CES1: variants seen among roughly 807,000 people sequenced by gnomAD.
CES1 encodes the protein carboxylesterase 1, also known as liver carboxylesterase 1.
CES1 carries 50 observed loss-of-function variants against 53.0 expected under a neutral mutation model. The observed-to-expected ratio is 0.94, with a 90% CI of 0.75 to 1.19. The LOEUF (loss-of-function observed/expected upper bound fraction) is 1.19, where lower values mean the gene tolerates loss of function less well. CES1 is among the 50% of genes most tolerant of loss of function. CES1 has a pLI of 0.00. For missense variants in CES1, 534 were observed against 538.0 expected (o/e 0.99, Z 0.07); for synonymous variants, 202 against 210.1 (o/e 0.96, Z 0.33).
intron 3 of CES1, among the ~76,000 whole-genome samples, chr16:55,825,399 C>G (rs1311894042): frequency 2.6e-4 from 40 of 152,192 alleles, no homozygotes; most frequent in Admixed American, 2.4e-3. Context: ...CCCTCCCCAC[C>G]CTCCAACCTG....
At chr16:55,830,773 A>AGAAG (rs1200351837) in intron 1 of CES1, among the ~76,000 whole-genome samples, 14,734 of 76,632 alleles carry the variant, frequency 0.19, 1,139 homozygotes, top group East Asian at 0.32. Flanking sequence ...AAGGAAGGAA[A>AGAAG]GAAGGAAGGA....
In CES1 at chr16:55,832,997, G is replaced by C. The variant is rs779470474; in HGVS notation, c.52+7C>G. 3 of 1,556,390 alleles carry C rather than the reference G, an allele frequency of 1.9e-6. No individual in the cohort carries two copies. The highest frequency in any genetic ancestry group is 2.6e-6 in the Non-Finnish European group (3 of 1,133,990). On this transcript the variant is annotated splice_region_variant and intron_variant, in intron 1 of 13. Transcript: ENST00000360526. ...GTGCCCCGCATTTTGATTTCAGAAG[G>C]ACTCACCCCAAGCCGCGGAAGCAGA...
rs578204053 is a variant in CES1, at chr16:55,832,886, G to T, written c.52+118C>A. 2.0e-4 allele frequency: 201 copies of T among 982,646 alleles called. No individual in the cohort carries two copies. In the African/African-American group the frequency reaches 2.9e-3, roughly 14 times the overall value. 60.9% of individuals were successfully genotyped at this position (982,646 alleles called of 1,614,324 possible). A position where few individuals can be genotyped will look rare whatever the true frequency, so the allele number is the denominator to read the frequency against. On this transcript the variant is annotated intron_variant, in intron 1 of 13. Coordinates refer to ENST00000360526, the MANE Select transcript of CES1 (RefSeq NM_001025195.2). ...AAGTCCAAGTCCTAATATGGAAGTC[G>T]TGCCCCGCCGCAGAGCCGGACCTGT... is the stretch of plus-strand genomic sequence containing the variant.
intron 1 of CES1, among the ~76,000 whole-genome samples, chr16:55,829,520 A>G (rs2032558193): frequency 6.6e-6 from 1 of 152,174 alleles, no homozygotes; most frequent in South Asian, 2.1e-4. Flanking sequence ...GCAGGGGAGG[A>G]CTGAATGAGG....
At chr16:55,819,770 G>T (rs760914659) in intron 6 of CES1, 131 bp from the exon 7 acceptor site, 3 of 806,202 alleles carry the variant, frequency 3.7e-6, no homozygotes, top group African/African-American at 1.7e-5. Flanking sequence ...CTGTAGACCC[G>T]TGGGTGTGGG....
rs150781799 is a variant in CES1, at chr16:55,815,573, G to A, written c.945+1351C>T. ...CTTGTTGTGTCAGAAAACTCAGGGCGTCCTCCACTCCTCCCCGTTTCTTAC... is the reference window on the plus strand; with the variant it reads ...CTTGTTGTGTCAGAAAACTCAGGGCATCCTCCACTCCTCCCCGTTTCTTAC... On this transcript the variant is annotated intron_variant, in intron 8 of 13. Transcript: ENST00000360526. 4.5e-3 allele frequency among the ~76,000 whole-genome samples: 684 copies of A among 152,262 alleles called. 4 individuals are homozygous for A. The highest frequency in any genetic ancestry group is 7.3e-3 in the Non-Finnish European group (494 of 68,006).
chr16:55,829,465 C>CA (rs1215435610), intron 1 of CES1, among the ~76,000 whole-genome samples: 4 of 152,258 alleles, frequency 2.6e-5, no homozygotes, highest in Non-Finnish European at 5.9e-5. Context: ...GAAGAGGGGG[C>CA]AAGGCCTTCT....
rs531201303 is a variant in CES1, at chr16:55,808,344, G to A, written c.1319-1880C>T. Among the ~76,000 whole-genome samples the A allele has an allele frequency of 5.3e-5, 8 of 151,996 alleles. No homozygotes were observed. The South Asian group carries it at 6.2e-4, about 12-fold the overall frequency. On this transcript the variant is annotated intron_variant, in intron 11 of 13. Transcript: ENST00000360526. ...ACACAAGTCTTCAGAGGAAAGTAGCGCACAGATTTGGGTAATGACAATTAG... is the reference window on the plus strand; with the variant it reads ...ACACAAGTCTTCAGAGGAAAGTAGCACACAGATTTGGGTAATGACAATTAG...
rs755053782 is a variant in CES1 at position 55,810,987 on chromosome 16, G to A, written c.1110C>T (p.Ser370=). The change falls in exon 10 of 14, where the codon TCC becomes TCT. Residue 370 remains serine, a synonymous_variant. Coordinates refer to ENST00000360526, the MANE Select transcript of CES1 (RefSeq NM_001025195.2). The part of the protein sequence containing the change: ...IPMQLMSYPL[S]EGQLDQKTAM... ...CTGTCTTCTGGTCCAGTTGCCCTTC[G>A]GAGAGTGGATAGCTCATCAACTGCT... 3.2e-5 allele frequency: 52 copies of A among 1,611,766 alleles called. 1 individual carries two copies. Among genetic ancestry groups the A allele is most frequent in the African/African-American group, 8.1e-5 (6 of 73,924 alleles).
At chr16:55,821,336 G>A (rs2307234) in intron 5 of CES1, 32 bp downstream of exon 5, 139 of 1,613,682 alleles carry the variant, frequency 8.6e-5, no homozygotes, top group Admixed American at 1.5e-4. Flanking sequence ...CACATCAAGC[G>A]TGGGGTTGGG....
intron 9 of CES1, among the ~76,000 whole-genome samples, chr16:55,811,228 A>C (rs1192425536): frequency 3.3e-5 from 5 of 151,848 alleles, no homozygotes; most frequent in Admixed American, 3.3e-4. Context: ...AAAAACAAAA[A>C]ACAAAATTTC....
rs775175935 is a variant in CES1 at position 55,812,911 on chromosome 16, T to G, written c.1078A>C (p.Ile360Leu). 46 of 1,614,022 alleles carry G rather than the reference T, an allele frequency of 2.9e-5. No individual in the cohort carries two copies. Among genetic ancestry groups the G allele is most frequent in the Non-Finnish European group, 3.6e-5 (43 of 1,180,038 alleles). ...GINKQEFGWLIPMQLMSYPLS... is the reference protein window; with the variant it reads ...GINKQEFGWLLPMQLMSYPLS... ...GACATGTGCCTTCTCACCATTGGAA[T>G]CAACCAGCCAAACTCCTGCTTGTTA... The change falls in exon 9 of 14, where the codon ATT becomes CTT. Residue 360 changes from isoleucine (I) to leucine (L), a missense_variant. Physicochemically the swap from Ile to Leu is conservative, Grantham distance 5. Coordinates refer to ENST00000360526, the MANE Select transcript of CES1 (RefSeq NM_001025195.2).
intron 7 of CES1, among the ~76,000 whole-genome samples, chr16:55,817,568 T>C (rs1458679875): frequency 6.6e-6 from 1 of 152,238 alleles, no homozygotes; most frequent in African/African-American, 2.4e-5. Flanking sequence ...AGTGTTGCAC[T>C]GTAGTTCCCA....
intron 6 of CES1, 122 bp from the exon 7 acceptor site, chr16:55,819,761 T>A (rs2032097101): frequency 1.2e-6 from 1 of 850,188 alleles, no homozygotes; most frequent in African/African-American, 1.7e-5. Context: ...CAGAAGATAC[T>A]GTAGACCCGT....
chr16:55,821,812 C>T (rs2142338175), intron 4 of CES1, among the ~76,000 whole-genome samples: 1 of 152,282 alleles, frequency 6.6e-6, no homozygotes, highest in Non-Finnish European at 1.5e-5. Flanking sequence ...ATTCCCACTA[C>T]AGATCACAAG....
intron 8 of CES1, among the ~76,000 whole-genome samples, chr16:55,813,299 G>A (rs1290642755): frequency 2.0e-5 from 3 of 152,152 alleles, no homozygotes; most frequent in Admixed American, 6.5e-5. Flanking sequence ...TATTATCTAT[G>A]TAAAATTACA....
intron 11 of CES1, among the ~76,000 whole-genome samples, chr16:55,809,277 G>C (rs1279667693): frequency 6.6e-6 from 1 of 152,116 alleles, no homozygotes; most frequent in African/African-American, 2.4e-5. Context: ...CTTGGTTAAA[G>C]GTTTTTATCA....
At chr16:55,809,107 A>AAAAAAAAAAAAAAAAAC (rs2031567730) in intron 11 of CES1, among the ~76,000 whole-genome samples, 1 of 149,826 alleles carries the variant, frequency 6.7e-6, no homozygotes, top group Non-Finnish European at 1.5e-5. Context: ...AAAAAAAAAA[A>AAAAAAAAAAAAAAAAAC]AAAAGCCCTG....
rs144476591 is a variant in CES1, at chr16:55,814,166, C to G, written c.946-1123G>C. On this transcript the variant is annotated intron_variant, in intron 8 of 13. Coordinates refer to ENST00000360526, the MANE Select transcript of CES1 (RefSeq NM_001025195.2). ...ACCCTGGTCACTCAAGGAGCCTAGA[C>G]TAGGACATGATTCCCTACTAGAGAG... 4.2e-3 allele frequency among the ~76,000 whole-genome samples: 643 copies of G among 152,332 alleles called. 6 individuals are homozygous for G. Among genetic ancestry groups the G allele is most frequent in the African/African-American group, 0.015 (608 of 41,556 alleles).
Sources: allele counts gnomAD v4.1 joint callset (sites outside exome capture counted in the v4.1 genomes callset), GRCh38; gene constraint gnomAD v4.1.1; transcripts MANE v1.5; gene names NCBI Gene and HGNC (gene_info 2026-07-23, HGNC 2026-07-21).